The following SNX29 variants were observed in gnomAD, a reference collection of about 807,000 sequenced individuals.
SNX29 encodes the protein sorting nexin 29.
A neutral mutation model predicts 102.1 loss-of-function variants in SNX29; 78 were observed. The ratio of observed to expected loss-of-function variants is 0.76; its 90% confidence interval spans 0.64 to 0.92. The LOEUF (loss-of-function observed/expected upper bound fraction) is 0.92. SNX29 is among the 40% of genes least tolerant of loss of function. The pLI is 0.00. For missense variants in SNX29, 1,280 were observed against 1,061.7 expected, an observed-to-expected ratio of 1.21 and a Z score of -2.86; for synonymous variants, 580 against 414.5, an observed-to-expected ratio of 1.40 and a Z score of -4.85.
intron 18 of SNX29, among the ~76,000 whole-genome samples, chr16:12,460,253 C>G (rs564966412): frequency 2.0e-5 from 3 of 152,320 alleles, no homozygotes; most frequent in South Asian, 4.1e-4. Flanking sequence ...CTGAAACTTT[C>G]CTTCAGAGGG....
intron 19 of SNX29, among the ~76,000 whole-genome samples, chr16:12,483,448 G>C (rs898210833): frequency 2.6e-5 from 4 of 151,566 alleles, no homozygotes; most frequent in Non-Finnish European, 5.9e-5. Flanking sequence ...CTCCTGAGTA[G>C]CTGGGATTAC....
At position 12,403,432 on chromosome 16, in the gene SNX29, TCTTC is replaced by T. The variant is rs1042644291; in HGVS notation, c.1956-12_1956-9del. The T allele has an allele frequency of 1.6e-5, 26 of 1,596,546 alleles. No individual in the cohort carries two copies. Among genetic ancestry groups the T allele is most frequent in the East Asian group, 9.0e-5 (4 of 44,418 alleles). On this transcript the variant is annotated splice_polypyrimidine_tract_variant and intron_variant, in intron 17 of 20. Coordinates refer to ENST00000566228, the MANE Select transcript of SNX29 (RefSeq NM_032167.5). ...AAAATGTCTAATGTTGGTCTCTCTC[TCTTC>T]CTTTTGGTTAGATCAAACCGGGCGC...
intron 18 of SNX29, among the ~76,000 whole-genome samples, chr16:12,467,171 A>G (rs1410838077): frequency 6.6e-6 from 1 of 152,168 alleles, no homozygotes; most frequent in Non-Finnish European, 1.5e-5. Flanking sequence ...GAGAGTTGCA[A>G]ATTCTTCTCC....
At chr16:12,108,678 G>T (rs952940696) in intron 11 of SNX29, among the ~76,000 whole-genome samples, 4 of 152,160 alleles carry the variant, frequency 2.6e-5, no homozygotes, top group African/African-American at 9.7e-5. Flanking sequence ...CATCAGGGAG[G>T]TTCAGTCCAT....
rs574106606 is a variant in SNX29, at chr16:12,564,129, C to G, written c.2319-4377C>G. Among the ~76,000 whole-genome samples the G allele has an allele frequency of 3.9e-5, 6 of 152,208 alleles. No homozygotes were observed. In the East Asian group the frequency reaches 7.7e-4, roughly 20 times the overall value. On this transcript the variant is annotated intron_variant, in intron 20 of 20. Transcript: ENST00000566228. ...CTTGATTGGGTGTGGTGGATCGTGC[C>G]TATAATCCCAGCACTTGGGAGGCCT... is the stretch of plus-strand genomic sequence containing the variant.
rs1381277718 is a variant in SNX29 at position 12,013,498 on chromosome 16, AAAATATATATAT to A, written c.122+10457_122+10468del. On this transcript the variant is annotated intron_variant, in intron 3 of 20. Coordinates refer to ENST00000566228, the MANE Select transcript of SNX29 (RefSeq NM_032167.5). The stretch of plus-strand genomic sequence containing the variant: ...CTGTCTCTACTGGGGGAAAAAAAAA[AAAATATATATAT>A]ATATATATATATATATATATATATA... Among the ~76,000 whole-genome samples the A allele has an allele frequency of 6.0e-4, 20 of 33,504 alleles. 1 individual carries two copies. The highest frequency in any genetic ancestry group is 5.6e-3 in the East Asian group (2 of 358). The allele number at this position is 33,504 out of a possible 152,430, so 22.0% of individuals were successfully genotyped here. A position where few individuals can be genotyped will look rare whatever the true frequency, so the allele number is the denominator to read the frequency against.
intron 19 of SNX29, among the ~76,000 whole-genome samples, chr16:12,494,712 TG>T (rs1193170266): frequency 6.6e-6 from 1 of 152,160 alleles, no homozygotes; most frequent in Non-Finnish European, 1.5e-5. Flanking sequence ...AGTTCTTTTT[TG>T]TAATGAGTTT....
intron 13 of SNX29, among the ~76,000 whole-genome samples, chr16:12,186,239 C>A (rs1320695419): frequency 6.6e-6 from 1 of 151,944 alleles, no homozygotes; most frequent in African/African-American, 2.4e-5. Context: ...TTTAAAAAAT[C>A]TTTATTTTGA....
At chr16:12,552,706 T>G (rs888858773) in intron 20 of SNX29, among the ~76,000 whole-genome samples, 2 of 152,074 alleles carry the variant, frequency 1.3e-5, no homozygotes, top group Non-Finnish European at 2.9e-5. Context: ...AGATTTAGAT[T>G]GGGGGACTGA....
intron 1 of SNX29, among the ~76,000 whole-genome samples, chr16:11,992,223 G>T (rs1463747078): frequency 6.6e-6 from 1 of 152,118 alleles, no homozygotes; most frequent in African/African-American, 2.4e-5. Context: ...GAGCCCTGGA[G>T]TTGGAGGCTG....
At chr16:12,549,765 T>A (rs78248306) in intron 20 of SNX29, among the ~76,000 whole-genome samples, 1 of 152,232 alleles carries the variant, frequency 6.6e-6, no homozygotes, top group African/African-American at 2.4e-5. Context: ...CTGTTGGTGA[T>A]TAGCAGGTGA....
At chr16:12,489,410 G>T (rs2088423155) in intron 19 of SNX29, among the ~76,000 whole-genome samples, 1 of 152,164 alleles carries the variant, frequency 6.6e-6, no homozygotes, top group African/African-American at 2.4e-5. Context: ...TCTCTGCAGT[G>T]TCATGGGCCA....
At chr16:12,298,900 A>T (rs2080068540) in intron 15 of SNX29, among the ~76,000 whole-genome samples, 2 of 152,212 alleles carry the variant, frequency 1.3e-5, no homozygotes, top group African/African-American at 4.8e-5. Flanking sequence ...TGGAATGAGG[A>T]AGCCAGAGGA....
intron 15 of SNX29, among the ~76,000 whole-genome samples, chr16:12,317,205 T>C (rs1009021859): frequency 6.6e-6 from 1 of 152,192 alleles, no homozygotes; most frequent in Admixed American, 6.5e-5. Flanking sequence ...GCTGCTCCAG[T>C]GCCCATGCAT....
chr16:12,319,388 G>A (rs963040579), intron 15 of SNX29, among the ~76,000 whole-genome samples: 1 of 152,152 alleles, frequency 6.6e-6, no homozygotes, highest in Non-Finnish European at 1.5e-5. Flanking sequence ...CAGCTACTGG[G>A]GAGGCTGAGG....
chr16:12,109,157 A>G (rs957114199), intron 11 of SNX29, among the ~76,000 whole-genome samples: 9 of 147,160 alleles, frequency 6.1e-5, no homozygotes, highest in African/African-American at 5.0e-5. Flanking sequence ...AAAAAAAAAG[A>G]AAAGGAATTT....
chr16:12,454,666 G>A (rs1301699634), intron 18 of SNX29, among the ~76,000 whole-genome samples: 3 of 152,164 alleles, frequency 2.0e-5, no homozygotes, highest in African/African-American at 4.8e-5. Flanking sequence ...TTAGACTTGA[G>A]CTTGAGTGCA....
chr16:12,456,339 AACAG>A (rs2151735063), intron 18 of SNX29, among the ~76,000 whole-genome samples: 1 of 152,334 alleles, frequency 6.6e-6, no homozygotes, highest in South Asian at 2.1e-4. Flanking sequence ...TCATCTTGTA[AACAG>A]ACAGTGTCAA....
intron 20 of SNX29, among the ~76,000 whole-genome samples, chr16:12,559,006 G>C (rs970672128): frequency 6.6e-6 from 1 of 152,130 alleles, no homozygotes; most frequent in African/African-American, 2.4e-5. Flanking sequence ...CAGTTATGGG[G>C]GAGAGAGACA....
Sources: allele counts gnomAD v4.1 joint callset (sites outside exome capture counted in the v4.1 genomes callset), GRCh38; gene constraint gnomAD v4.1.1; transcripts MANE v1.5; gene names NCBI Gene and HGNC (gene_info 2026-07-23, HGNC 2026-07-21).